Variants in CTNNA3 observed in about 807,000 individuals in gnomAD.
The protein encoded by CTNNA3 is catenin alpha 3, also known as catenin alpha-3.
Under a neutral mutation model 95.7 loss-of-function variants are expected in CTNNA3, and 76 were observed. That is an observed-to-expected ratio of 0.79 (90% CI 0.66 to 0.96). The LOEUF is 0.96. Ranked by LOEUF, CTNNA3 falls within the 40% of genes least tolerant of loss-of-function variation. The pLI is 0.00. For synonymous variants in CTNNA3, 431 were observed against 374.4 expected, an observed-to-expected ratio of 1.15 and a Z score of -1.74; for missense variants, 1,191 against 1,089.8, an observed-to-expected ratio of 1.09 and a Z score of -1.31.
At chr10:66,206,010 T>C (rs1194993391) in intron 13 of CTNNA3, among the ~76,000 whole-genome samples, 3 of 151,960 alleles carry the variant, frequency 2.0e-5, no homozygotes, top group Admixed American at 6.6e-5. Context: ...ATCAGCAATA[T>C]CATTACCCTC....
chr10:66,355,959 C>T (rs76558641), intron 12 of CTNNA3, among the ~76,000 whole-genome samples: 6,993 of 150,898 alleles, frequency 0.046, 259 homozygotes, highest in Non-Finnish European at 0.062. Flanking sequence ...ACTGAATTAT[C>T]TTGGCATTTC....
chr10:66,953,175 A>C (rs1848626560), intron 7 of CTNNA3, among the ~76,000 whole-genome samples: 1 of 152,186 alleles, frequency 6.6e-6, no homozygotes, highest in African/African-American at 2.4e-5. Flanking sequence ...ATGGGCTCAT[A>C]ACTTAGTTCC....
At chr10:66,779,819 G>C (rs1329401451) in intron 7 of CTNNA3, among the ~76,000 whole-genome samples, 1 of 152,116 alleles carries the variant, frequency 6.6e-6, no homozygotes. Context: ...GGTCAACATA[G>C]TCAACAAATC....
intron 7 of CTNNA3, among the ~76,000 whole-genome samples, chr10:66,821,571 T>C (rs1842305520): frequency 1.3e-5 from 2 of 152,290 alleles, no homozygotes; most frequent in Admixed American, 6.5e-5. Context: ...CCACTGATCT[T>C]TATTACATAC....
At chr10:67,036,920 G>C (rs969750993) in intron 7 of CTNNA3, among the ~76,000 whole-genome samples, 3 of 152,032 alleles carry the variant, frequency 2.0e-5, no homozygotes, top group Admixed American at 1.3e-4. Context: ...GGAAGGAAAG[G>C]GTAGTTGTTT....
At chr10:67,114,823 C>T (rs10822977) in intron 7 of CTNNA3, among the ~76,000 whole-genome samples, 95,709 of 151,360 alleles carry the variant, frequency 0.63, 31,391 homozygotes, top group African/African-American at 0.82. Context: ...CTGAAGGGTA[C>T]AATTCAATTA....
At chr10:65,931,329 C>T (rs73306004) in intron 17 of CTNNA3, among the ~76,000 whole-genome samples, 3,185 of 152,262 alleles carry the variant, frequency 0.021, 50 homozygotes, top group African/African-American at 0.04. Context: ...TGCCATAGCG[C>T]CTTGCCTGCT....
intron 12 of CTNNA3, among the ~76,000 whole-genome samples, chr10:66,342,426 T>C (rs1441522274): frequency 6.6e-6 from 1 of 152,062 alleles, no homozygotes; most frequent in African/African-American, 2.4e-5. Context: ...GTCACACATA[T>C]TTAAACTTAT....
intron 11 of CTNNA3, among the ~76,000 whole-genome samples, chr10:66,391,248 T>TCAA (rs1201617237): frequency 2.0e-5 from 3 of 151,812 alleles, no homozygotes; most frequent in Admixed American, 6.6e-5. Context: ...AAGCCAATTA[T>TCAA]CAACAATACT....
chr10:67,524,004 C>T (rs1004351706), intron 4 of CTNNA3, among the ~76,000 whole-genome samples: 22 of 152,244 alleles, frequency 1.4e-4, no homozygotes, highest in African/African-American at 5.3e-4. Context: ...TTTGTCTTCC[C>T]TAAGAAATAT....
chr10:66,934,094 GA>G (rs2132652383), intron 7 of CTNNA3, among the ~76,000 whole-genome samples: 1 of 152,070 alleles, frequency 6.6e-6, no homozygotes, highest in East Asian at 1.9e-4. Flanking sequence ...TCTGGGACAT[GA>G]TATAAGACCA....
At chr10:66,420,408 T>A (rs1052387016) in intron 11 of CTNNA3, among the ~76,000 whole-genome samples, 1 of 152,116 alleles carries the variant, frequency 6.6e-6, no homozygotes, top group Non-Finnish European at 1.5e-5. Context: ...TGTCTATTAT[T>A]AAAAACGCAG....
At chr10:67,114,971 G>T (rs1315793917) in intron 7 of CTNNA3, among the ~76,000 whole-genome samples, 1 of 152,104 alleles carries the variant, frequency 6.6e-6, no homozygotes. Context: ...GGATACCCCA[G>T]AAATGGGATT....
At chr10:67,572,728 C>A (rs1842018006) in intron 3 of CTNNA3, among the ~76,000 whole-genome samples, 1 of 152,154 alleles carries the variant, frequency 6.6e-6, no homozygotes, top group Non-Finnish European at 1.5e-5. Flanking sequence ...TGCTAAACAA[C>A]TATCAATAAT....
chr10:66,750,343 T>G (rs2132725426), intron 9 of CTNNA3, among the ~76,000 whole-genome samples: 1 of 152,326 alleles, frequency 6.6e-6, no homozygotes, highest in South Asian at 2.1e-4. Flanking sequence ...AGTGTTATGG[T>G]TTTGCAGTTT....
intron 5 of CTNNA3, among the ~76,000 whole-genome samples, chr10:67,241,068 T>C (rs1285274704): frequency 6.6e-6 from 1 of 152,224 alleles, no homozygotes; most frequent in Non-Finnish European, 1.5e-5. Flanking sequence ...CTGTACTTAA[T>C]GCATCCTTTC....
At chr10:67,342,189 C>T (rs868446353) in intron 5 of CTNNA3, among the ~76,000 whole-genome samples, 5 of 150,370 alleles carry the variant, frequency 3.3e-5, no homozygotes. Flanking sequence ...GCAAGCTCCG[C>T]CTCCCGGGTT....
chr10:66,780,739 T>C (rs1589247703), intron 7 of CTNNA3, among the ~76,000 whole-genome samples: 1 of 152,348 alleles, frequency 6.6e-6, no homozygotes, highest in East Asian at 1.9e-4. Flanking sequence ...AGCACAGTGC[T>C]TTGCACATAG....
chr10:66,682,921 T>C (rs1302519198), intron 9 of CTNNA3, among the ~76,000 whole-genome samples: 1 of 152,172 alleles, frequency 6.6e-6, no homozygotes, highest in Non-Finnish European at 1.5e-5. Context: ...ATGGAGGTCA[T>C]GAAAATACTC....
Sources: gnomAD v4.1 joint callset for allele counts (sites outside exome capture counted in the v4.1 genomes callset) on GRCh38, gnomAD v4.1.1 for gene constraint, MANE v1.5 for transcripts, NCBI Gene and HGNC (gene_info 2026-07-23, HGNC 2026-07-21) for gene names.